HMGCLL1: variants seen among roughly 807,000 people sequenced by gnomAD.
The protein encoded by HMGCLL1 is 3-hydroxymethyl-3-methylglutaryl-CoA lyase, cytoplasmic.
Under a neutral mutation model 39.1 loss-of-function variants are expected in HMGCLL1, and 36 were observed. The ratio of observed to expected loss-of-function variants is 0.92; its 90% CI spans 0.71 to 1.22. The LOEUF (loss-of-function observed/expected upper bound fraction) is 1.22, where lower values mean the gene tolerates loss of function less well. Among genes scored for constraint, HMGCLL1 ranks in the 50% most tolerant of loss-of-function variants. The probability of loss-of-function intolerance (pLI) is 0.00; values close to 1 mark genes in which losing one functional copy is unlikely to be tolerated. For missense variants in HMGCLL1, 451 were observed against 416.5 expected, an observed-to-expected ratio of 1.08 and a Z score of -0.72; for synonymous variants, 149 against 144.0, an observed-to-expected ratio of 1.03 and a Z score of -0.25.
At chr6:55,501,586 C>T (rs1422109923) in intron 5 of HMGCLL1, among the ~76,000 whole-genome samples, 1 of 151,856 alleles carries the variant, frequency 6.6e-6, no homozygotes, top group Non-Finnish European at 1.5e-5. Context: ...TGGACTTCTG[C>T]TCTTCTCCAA....
chr6:55,639,798 G>C, the HMGCLL1 span, among the ~76,000 whole-genome samples: 1 of 152,086 alleles, frequency 6.6e-6, no homozygotes, highest in Non-Finnish European at 1.5e-5. Flanking sequence ...AGAAACGTGG[G>C]CCAGGCACAG....
At chr6:55,652,742 T>C in the HMGCLL1 span, among the ~76,000 whole-genome samples, 2 of 152,240 alleles carry the variant, frequency 1.3e-5, no homozygotes, top group South Asian at 4.1e-4. Context: ...CAATCTTTTC[T>C]GTAAATCTTG....
chr6:55,567,534 A>G (rs1201784825), intron 1 of HMGCLL1, among the ~76,000 whole-genome samples: 1 of 152,150 alleles, frequency 6.6e-6, no homozygotes, highest in Non-Finnish European at 1.5e-5. Context: ...CTTCACCACA[A>G]AGATTACTAT....
intron 3 of HMGCLL1, among the ~76,000 whole-genome samples, chr6:55,521,119 T>A (rs1768016575): frequency 6.6e-6 from 1 of 152,130 alleles, no homozygotes; most frequent in African/African-American, 2.4e-5. Flanking sequence ...CATGTTGTAA[T>A]TACCTGAATA....
the HMGCLL1 span, among the ~76,000 whole-genome samples, chr6:55,675,024 T>C: frequency 4.9e-4 from 75 of 152,258 alleles, no homozygotes; most frequent in South Asian, 5.0e-3. Flanking sequence ...TACTGATACA[T>C]GCTGGAAGAA....
chr6:55,499,886 A>G (rs529467585), intron 5 of HMGCLL1, among the ~76,000 whole-genome samples: 1 of 152,126 alleles, frequency 6.6e-6, no homozygotes, highest in African/African-American at 2.4e-5. Flanking sequence ...TAGAATTAAG[A>G]TATTCTATAA....
the HMGCLL1 span, among the ~76,000 whole-genome samples, chr6:55,635,016 G>A: frequency 6.6e-6 from 1 of 152,058 alleles, no homozygotes; most frequent in East Asian, 1.9e-4. Context: ...CTCCCTAAAG[G>A]ACAGTTGGAT....
chr6:55,559,727 A>T (rs1274325841), intron 1 of HMGCLL1, among the ~76,000 whole-genome samples: 1 of 152,124 alleles, frequency 6.6e-6, no homozygotes, highest in Non-Finnish European at 1.5e-5. Context: ...CAGAGATTGA[A>T]TCTTATGCTT....
At chr6:55,653,249 C>A in the HMGCLL1 span, among the ~76,000 whole-genome samples, 2 of 151,984 alleles carry the variant, frequency 1.3e-5, no homozygotes, top group African/African-American at 4.8e-5. Flanking sequence ...AAGTTCTTCC[C>A]CAGTATTTTT....
intron 3 of HMGCLL1, among the ~76,000 whole-genome samples, chr6:55,519,113 C>T (rs978334209): frequency 2.0e-5 from 3 of 151,996 alleles, no homozygotes; most frequent in African/African-American, 4.8e-5. Context: ...GTTAGGTTCA[C>T]GTTAGTATAA....
At chr6:55,599,570 T>G in the HMGCLL1 span, among the ~76,000 whole-genome samples, 386 of 152,232 alleles carry the variant, frequency 2.5e-3, 2 homozygotes, top group African/African-American at 9.1e-3. Flanking sequence ...AAGAACATTT[T>G]CAAGTGCCCA....
chr6:55,652,024 C>T, the HMGCLL1 span, among the ~76,000 whole-genome samples: 1 of 152,040 alleles, frequency 6.6e-6, no homozygotes, highest in African/African-American at 2.4e-5. Context: ...CTCAATGACT[C>T]TTAGTGATAT....
intron 5 of HMGCLL1, among the ~76,000 whole-genome samples, chr6:55,503,887 A>G (rs1254095783): frequency 1.3e-5 from 2 of 151,724 alleles, no homozygotes; most frequent in Non-Finnish European, 3.0e-5. Context: ...TGCCAGCAGC[A>G]GCTTGAGTGT....
chr6:55,670,364 CT>C, the HMGCLL1 span, among the ~76,000 whole-genome samples: 1 of 151,788 alleles, frequency 6.6e-6, no homozygotes, highest in Non-Finnish European at 1.5e-5. Flanking sequence ...AAAAAAAGTA[CT>C]TCAGACAAAA....
chr6:55,607,503 G>T, the HMGCLL1 span, among the ~76,000 whole-genome samples: 1 of 152,054 alleles, frequency 6.6e-6, no homozygotes, highest in African/African-American at 2.4e-5. Flanking sequence ...GTCTCTTCAG[G>T]GATTGCCTGA....
the HMGCLL1 span, among the ~76,000 whole-genome samples, chr6:55,607,155 TTGAA>T: frequency 6.6e-6 from 1 of 152,076 alleles, no homozygotes; most frequent in Non-Finnish European, 1.5e-5. Flanking sequence ...TTGTTATGCT[TTGAA>T]TGGAGATAAG....
the HMGCLL1 span, among the ~76,000 whole-genome samples, chr6:55,650,110 TA>T: frequency 2.7e-5 from 2 of 74,526 alleles, no homozygotes; most frequent in East Asian, 8.0e-4. Flanking sequence ...TATATATATA[TA>T]TATATATATA....
At chr6:55,460,927 C>A (rs534675794) in intron 7 of HMGCLL1, among the ~76,000 whole-genome samples, 1 of 151,952 alleles carries the variant, frequency 6.6e-6, no homozygotes, top group South Asian at 2.1e-4. Flanking sequence ...AATATTTAAC[C>A]ACGTAAAGTA....
intron 7 of HMGCLL1, among the ~76,000 whole-genome samples, chr6:55,468,394 T>C (rs960193130): frequency 1.3e-5 from 2 of 151,976 alleles, no homozygotes; most frequent in Non-Finnish European, 2.9e-5. Flanking sequence ...TGAATTCCTA[T>C]GAGGAATAAA....
Sources: allele counts gnomAD v4.1 joint callset (sites outside exome capture counted in the v4.1 genomes callset), GRCh38; gene constraint gnomAD v4.1.1; transcripts MANE v1.5; gene names NCBI Gene and HGNC (gene_info 2026-07-23, HGNC 2026-07-21).